Variants in FAM168B observed in about 807,000 individuals in gnomAD.
The protein encoded by FAM168B is family with sequence similarity 168 member B.
Under a neutral mutation model 21.8 loss-of-function variants are expected in FAM168B, and 19 were observed. The observed-to-expected ratio is 0.87, with a 90% CI of 0.61 to 1.28. FAM168B has a LOEUF of 1.28. Among genes scored for constraint, FAM168B ranks in the 50% most tolerant of loss-of-function variants. The pLI is 0.00. For synonymous variants in FAM168B, 126 were observed against 104.8 expected (o/e 1.20, Z -1.24); for missense variants, 233 against 263.1 (o/e 0.89, Z 0.79).
Position 131,052,969 on chromosome 2 carries a change from C to G in FAM168B, c.522G>C (p.Pro174=). 1 of 1,560,502 alleles carries G rather than the reference C, an allele frequency of 6.4e-7. No homozygotes were observed. Among genetic ancestry groups the G allele is most frequent in the Non-Finnish European group, 8.7e-7 (1 of 1,152,090 alleles). The part of the protein sequence containing the change: ...AHSPTPVAPH[P]VTVPTYRAPG... ...GGGCCCGGTACGTGGGCACAGTGAC[C>G]GGGTGGGGGGCGACAGGAGTTGGGG... is the stretch of plus-strand genomic sequence containing the variant. The change falls in exon 6 of 7, where the codon CCG becomes CCC. Residue 174 remains proline (P), a synonymous_variant. Coordinates refer to ENST00000389915, the MANE Select transcript of FAM168B (RefSeq NM_001009993.4).
Position 131,074,030 on chromosome 2 carries a change from G to A in FAM168B, c.71-2092C>T, listed in dbSNP as rs146302318. On this transcript the variant is annotated intron_variant, in intron 2 of 6. Coordinates refer to ENST00000389915, the MANE Select transcript of FAM168B (RefSeq NM_001009993.4). ...GGTGCAACCAACAGAGGGGGCCTCA[G>A]GCATCTGCCCTTTTCGATAAGGCCT... Among the ~76,000 whole-genome samples the A allele has an allele frequency of 1.3e-3, 197 of 152,338 alleles. 3 individuals are homozygous for A. Among genetic ancestry groups the A allele is most frequent in the African/African-American group, 4.5e-3 (186 of 41,568 alleles).
At chr2:131,078,977 A>G (rs1160860657) in intron 2 of FAM168B, among the ~76,000 whole-genome samples, 1 of 143,582 alleles carries the variant, frequency 7.0e-6, no homozygotes, top group Non-Finnish European at 1.5e-5. Context: ...ACAGAGCAAG[A>G]CCCTTTCACA....
At position 131,050,736 on chromosome 2, in the gene FAM168B, C is replaced by T. The variant is rs1691613734; in HGVS notation, c.*1729G>A. 8 of 985,308 alleles carry T rather than the reference C, an allele frequency of 8.1e-6. No individual in the cohort carries two copies. The South Asian group carries it at 1.9e-4, about 23-fold the overall frequency. The allele number at this position is 985,308 out of a possible 1,614,324, so 61.0% of individuals were successfully genotyped here. A position where few individuals can be genotyped will look rare whatever the true frequency, so the allele number is the denominator to read the frequency against. On this transcript the variant is annotated 3_prime_UTR_variant, in exon 7 of 7. Coordinates refer to ENST00000389915, the MANE Select transcript of FAM168B (RefSeq NM_001009993.4). ...GGTCAGGTGTCCCCCCACCAACCAA[C>T]TGGGGCAGAATGCTAGTGGGCATCC... is the stretch of plus-strand genomic sequence containing the variant.
intron 1 of FAM168B, among the ~76,000 whole-genome samples, chr2:131,086,410 G>C (rs1286992341): frequency 6.6e-6 from 1 of 152,086 alleles, no homozygotes; most frequent in Non-Finnish European, 1.5e-5. Context: ...CACAAAGATG[G>C]AAACGAGCCC....
intron 2 of FAM168B, among the ~76,000 whole-genome samples, chr2:131,078,714 C>T (rs1452750978): frequency 1.3e-5 from 2 of 152,156 alleles, no homozygotes; most frequent in African/African-American, 4.8e-5. Flanking sequence ...CTAGGCCGGG[C>T]ACAGTGGCTC....
At chr2:131,060,323 C>T (rs1159458470) in intron 3 of FAM168B, among the ~76,000 whole-genome samples, 1 of 151,466 alleles carries the variant, frequency 6.6e-6, no homozygotes, top group Non-Finnish European at 1.5e-5. Flanking sequence ...CGCGCCCGGC[C>T]GTGAGTAGGA....
intron 1 of FAM168B, among the ~76,000 whole-genome samples, chr2:131,086,328 G>GA (rs1558998689): frequency 6.6e-6 from 1 of 152,166 alleles, no homozygotes; most frequent in African/African-American, 2.4e-5. Context: ...AGGCCACAGA[G>GA]AAAACAAAAT....
chr2:131,079,459 G>C (rs1298572683), intron 2 of FAM168B, among the ~76,000 whole-genome samples: 1 of 152,208 alleles, frequency 6.6e-6, no homozygotes, highest in Non-Finnish European at 1.5e-5. Flanking sequence ...TGGGTGACAA[G>C]AGTGAGACTT....
intron 2 of FAM168B, among the ~76,000 whole-genome samples, chr2:131,078,465 T>C (rs571645370): frequency 7.2e-5 from 11 of 152,286 alleles, no homozygotes; most frequent in African/African-American, 2.4e-4. Flanking sequence ...AAAACACTTA[T>C]AGATGGAGTT....
chr2:131,092,239 A>G (rs1022714850), intron 1 of FAM168B, among the ~76,000 whole-genome samples: 1 of 152,192 alleles, frequency 6.6e-6, no homozygotes, highest in Admixed American at 6.6e-5. Context: ...ACTCCACCAA[A>G]GTAAGCCTGC....
intron 1 of FAM168B, among the ~76,000 whole-genome samples, chr2:131,084,123 A>ATGG (rs1693563194): frequency 6.6e-6 from 1 of 151,594 alleles, no homozygotes; most frequent in Non-Finnish European, 1.5e-5. Context: ...GGATGGTCTC[A>ATGG]TCTCTTGACC....
At chr2:131,078,073 C>A (rs1251732046) in intron 2 of FAM168B, among the ~76,000 whole-genome samples, 1 of 152,168 alleles carries the variant, frequency 6.6e-6, no homozygotes, top group Non-Finnish European at 1.5e-5. Flanking sequence ...AAGAAGACAT[C>A]ATCAGTGAAA....
chr2:131,055,458 A>G lies in FAM168B; in HGVS notation c.298-9T>C, dbSNP rs563639423. ...GTGTAGTACGTGCCTTGCTGTGGGG[A>G]GAAGAGAGACAACTGACACAGGGTC... On this transcript the variant is annotated splice_polypyrimidine_tract_variant and intron_variant, in intron 4 of 6. Coordinates refer to ENST00000389915, the MANE Select transcript of FAM168B (RefSeq NM_001009993.4). The G allele has an allele frequency of 2.5e-6, 4 of 1,605,784 alleles. No individual in the cohort carries two copies. The highest frequency in any genetic ancestry group is 4.5e-5 in the East Asian group (2 of 44,732).
Position 131,071,847 on chromosome 2 carries a change from G to A in FAM168B, c.154+8C>T. Reference sequence around the variant, plus strand: ...TACGTACAAAGCATTTTACCACCCAGCACATACCTGTTTGGAAGGTAGGAT... The same window carrying A: ...TACGTACAAAGCATTTTACCACCCAACACATACCTGTTTGGAAGGTAGGAT... On this transcript the variant is annotated splice_region_variant and intron_variant, in intron 3 of 6. Coordinates refer to ENST00000389915, the MANE Select transcript of FAM168B (RefSeq NM_001009993.4). The A allele has an allele frequency of 6.2e-7, 1 of 1,613,010 alleles. No homozygotes were observed. Among genetic ancestry groups the A allele is most frequent in the South Asian group, 1.1e-5 (1 of 91,070 alleles).
In FAM168B at chr2:131,080,572, C is replaced by T. The variant is rs558660727; in HGVS notation, c.70+2005G>A. On this transcript the variant is annotated intron_variant, in intron 2 of 6. Transcript: ENST00000389915. ...GATGGAGGTTGTAGTGAGCTGAGAT[C>T]GTGCCACTGCACTCCAGCCTGGGCA... Among the ~76,000 whole-genome samples the T allele has an allele frequency of 4.3e-4, 64 of 150,114 alleles. 1 individual carries two copies. The highest frequency in any genetic ancestry group is 1.5e-3 in the African/African-American group (61 of 41,034).
chr2:131,068,450 C>A (rs949128443), intron 3 of FAM168B, among the ~76,000 whole-genome samples: 4 of 152,172 alleles, frequency 2.6e-5, no homozygotes, highest in African/African-American at 9.7e-5. Flanking sequence ...TGAAAACCAC[C>A]GTGCCCGGCT....
At chr2:131,066,686 C>G (rs955090368) in intron 3 of FAM168B, among the ~76,000 whole-genome samples, 1 of 152,132 alleles carries the variant, frequency 6.6e-6, no homozygotes, top group Non-Finnish European at 1.5e-5. Context: ...AGGCTTGGGG[C>G]TGAAATCCTC....
chr2:131,070,666 G>A (rs1692828196), intron 3 of FAM168B, among the ~76,000 whole-genome samples: 6 of 152,146 alleles, frequency 3.9e-5, no homozygotes, highest in Admixed American at 3.9e-4. Flanking sequence ...TTCATCACAT[G>A]GTAAATGGAT....
At chr2:131,090,093 G>A (rs1375088667) in intron 1 of FAM168B, among the ~76,000 whole-genome samples, 1 of 149,542 alleles carries the variant, frequency 6.7e-6, no homozygotes, top group Admixed American at 6.7e-5. Context: ...GCCGACGAGG[G>A]CGGATCACGA....
Sources: allele counts gnomAD v4.1 joint callset (sites outside exome capture counted in the v4.1 genomes callset), GRCh38; gene constraint gnomAD v4.1.1; transcripts MANE v1.5; gene names NCBI Gene and HGNC (gene_info 2026-07-23, HGNC 2026-07-21).